Variants in ZNF385D observed in about 807,000 individuals in gnomAD.
ZNF385D encodes the protein zinc finger protein 659.
A neutral mutation model predicts 35.8 loss-of-function variants in ZNF385D; 15 were observed. The observed-to-expected ratio is 0.42, with a 90% CI of 0.28 to 0.64. The LOEUF is 0.64. Among genes scored for constraint, ZNF385D ranks in the 30% least tolerant of loss-of-function variants. The pLI, the probability that ZNF385D is intolerant of heterozygous loss-of-function variation, is 0.23. For synonymous variants in ZNF385D, 212 were observed against 186.8 expected, an observed-to-expected ratio of 1.13 and a Z score of -1.10; for missense variants, 474 against 494.6, an observed-to-expected ratio of 0.96 and a Z score of 0.39.
At chr3:21,978,816 A>G (rs1423209628) in intron 3 of ZNF385D, among the ~76,000 whole-genome samples, 5 of 152,196 alleles carry the variant, frequency 3.3e-5, no homozygotes, top group Non-Finnish European at 1.5e-5. Flanking sequence ...GCTCAGCATT[A>G]TGACAAATGT....
At chr3:21,981,959 A>G (rs1377369183) in intron 3 of ZNF385D, among the ~76,000 whole-genome samples, 1 of 151,752 alleles carries the variant, frequency 6.6e-6, no homozygotes, top group Non-Finnish European at 1.5e-5. Flanking sequence ...TGTTTTTGTT[A>G]CTGTACCCTT....
intron 3 of ZNF385D, among the ~76,000 whole-genome samples, chr3:22,005,621 A>G (rs960351694): frequency 6.6e-5 from 10 of 152,144 alleles, no homozygotes; most frequent in East Asian, 5.8e-4. Context: ...TAATTATTAT[A>G]TATCAATAAG....
At chr3:22,088,993 T>C (rs1701183244) in intron 3 of ZNF385D, among the ~76,000 whole-genome samples, 1 of 152,182 alleles carries the variant, frequency 6.6e-6, no homozygotes, top group Non-Finnish European at 1.5e-5. Flanking sequence ...AGATTGTAAA[T>C]TGTAACATTT....
chr3:21,422,985 A>G (rs1239577778), intron 7 of ZNF385D, among the ~76,000 whole-genome samples: 3 of 152,188 alleles, frequency 2.0e-5, no homozygotes, highest in Non-Finnish European at 4.4e-5. Context: ...AGTCCTGGCC[A>G]GGGCAATTGG....
At chr3:22,043,758 T>A (rs1047868736) in intron 3 of ZNF385D, among the ~76,000 whole-genome samples, 2 of 151,834 alleles carry the variant, frequency 1.3e-5, no homozygotes, top group Non-Finnish European at 2.9e-5. Context: ...ACTAATACAA[T>A]ACGGTAAAAA....
intron 3 of ZNF385D, among the ~76,000 whole-genome samples, chr3:21,868,135 T>C (rs568780397): frequency 6.6e-6 from 1 of 152,140 alleles, no homozygotes; most frequent in East Asian, 1.9e-4. Flanking sequence ...TGAGCAGCAG[T>C]TGGCAAACAT....
intron 3 of ZNF385D, among the ~76,000 whole-genome samples, chr3:22,017,463 TTTTG>T (rs1382681113): frequency 6.6e-6 from 1 of 152,042 alleles, no homozygotes; most frequent in African/African-American, 2.4e-5. Context: ...CTCTATTATT[TTTTG>T]TTTCTTATTC....
intron 2 of ZNF385D, among the ~76,000 whole-genome samples, chr3:22,305,697 G>A (rs964121870): frequency 2.0e-5 from 3 of 152,134 alleles, no homozygotes; most frequent in Admixed American, 1.3e-4. Context: ...AAGTCACACG[G>A]CCACAACTAA....
chr3:22,043,037 T>A (rs1375932318), intron 3 of ZNF385D, among the ~76,000 whole-genome samples: 2 of 152,188 alleles, frequency 1.3e-5, no homozygotes, highest in East Asian at 3.9e-4. Context: ...GGCTCCAAAC[T>A]GAGAAGTCCA....
intron 2 of ZNF385D, among the ~76,000 whole-genome samples, chr3:22,180,764 T>G (rs981099252): frequency 1.1e-4 from 17 of 152,046 alleles, no homozygotes; most frequent in Non-Finnish European, 2.1e-4. Context: ...CTCAATAAAT[T>G]AGGTATTGAT....
At chr3:21,831,215 T>C (rs945283532) in intron 3 of ZNF385D, among the ~76,000 whole-genome samples, 1 of 152,314 alleles carries the variant, frequency 6.6e-6, no homozygotes, top group East Asian at 1.9e-4. Flanking sequence ...TTTTCTTATA[T>C]TCTATCATTC....
intron 3 of ZNF385D, among the ~76,000 whole-genome samples, chr3:22,160,541 A>G (rs1330720160): frequency 6.6e-6 from 1 of 152,166 alleles, no homozygotes; most frequent in Non-Finnish European, 1.5e-5. Flanking sequence ...GACACTTTAA[A>G]TATCTTCTGG....
chr3:22,232,019 A>G (rs1385470832), intron 2 of ZNF385D, among the ~76,000 whole-genome samples: 2 of 152,084 alleles, frequency 1.3e-5, no homozygotes, highest in African/African-American at 2.4e-5. Context: ...CAAAAGGAGA[A>G]GCCACTATGT....
chr3:22,281,654 TG>T (rs1296789245), intron 2 of ZNF385D, among the ~76,000 whole-genome samples: 1 of 152,048 alleles, frequency 6.6e-6, no homozygotes, highest in African/African-American at 2.4e-5. Flanking sequence ...ATTTTTTTTT[TG>T]AGGACTTTTG....
chr3:21,641,632 CTTT>C (rs144071100), intron 2 of ZNF385D, among the ~76,000 whole-genome samples: 2 of 104,720 alleles, frequency 1.9e-5, no homozygotes, highest in African/African-American at 3.7e-5. Context: ...AACAAGTCAG[CTTT>C]TTTTTTTTTT....
chr3:21,506,284 G>A (rs955510159), intron 4 of ZNF385D, among the ~76,000 whole-genome samples: 5 of 152,074 alleles, frequency 3.3e-5, no homozygotes, highest in Non-Finnish European at 4.4e-5. Flanking sequence ...TGGTTGCTTC[G>A]TCAGCCTAGT....
intron 2 of ZNF385D, among the ~76,000 whole-genome samples, chr3:22,265,427 G>A (rs1421127098): frequency 2.0e-5 from 3 of 151,926 alleles, no homozygotes; most frequent in Non-Finnish European, 4.4e-5. Flanking sequence ...TGAACTCTTT[G>A]TATCTAAATA....
At chr3:21,777,960 C>A (rs2071352083) in intron 3 of ZNF385D, among the ~76,000 whole-genome samples, 1 of 151,812 alleles carries the variant, frequency 6.6e-6, no homozygotes, top group East Asian at 1.9e-4. Context: ...TCCAGCTGAG[C>A]CAAGCCTTGA....
At chr3:21,622,688 AT>A (rs1402759684) in intron 2 of ZNF385D, among the ~76,000 whole-genome samples, 1 of 152,088 alleles carries the variant, frequency 6.6e-6, no homozygotes, top group Non-Finnish European at 1.5e-5. Context: ...AAGAAGTCTT[AT>A]TTTTAATTTA....
Sources: gnomAD v4.1 joint callset for allele counts (sites outside exome capture counted in the v4.1 genomes callset) on GRCh38, gnomAD v4.1.1 for gene constraint, MANE v1.5 for transcripts, NCBI Gene and HGNC (gene_info 2026-07-23, HGNC 2026-07-21) for gene names.